Variants in NFILZ observed in about 807,000 individuals in gnomAD.
NFILZ encodes the protein NFIL3 like protein.
chr19:8,672,201 AT>A (rs1234278598), intron 3 of NFILZ, among the ~76,000 whole-genome samples: 5 of 152,168 alleles, frequency 3.3e-5, no homozygotes, highest in Admixed American at 2.6e-4. Context: ...TCATGCATTT[AT>A]TAGTTCATTC....
At chr19:8,666,912 CTTT>C (rs35846585) in intron 3 of NFILZ, among the ~76,000 whole-genome samples, 9 of 128,182 alleles carry the variant, frequency 7.0e-5, no homozygotes, top group Admixed American at 8.0e-5. Context: ...TTTTTGAAAA[CTTT>C]TTTTTTTTTT....
intron 3 of NFILZ, among the ~76,000 whole-genome samples, chr19:8,657,655 A>G (rs1350266365): frequency 1.3e-5 from 2 of 151,882 alleles, no homozygotes; most frequent in East Asian, 3.9e-4. Flanking sequence ...CTCCGTCTCT[A>G]CCTCTTTCTC....
intron 3 of NFILZ, among the ~76,000 whole-genome samples, chr19:8,656,374 C>A (rs1600147490): frequency 7.5e-6 from 1 of 133,762 alleles, no homozygotes; most frequent in East Asian, 2.0e-4. Flanking sequence ...CACCTTCTCC[C>A]TGAAGCCCAC....
rs368677207 is a variant in NFILZ, at chr19:8,634,431, G to A, written c.-260-1219G>A. Among the ~76,000 whole-genome samples, 43 of 152,262 alleles carry A rather than the reference G, an allele frequency of 2.8e-4. No homozygotes were observed. The South Asian group carries it at 7.7e-3, about 27-fold the overall frequency. ...CTCCTGAGTAGCTGGAACTATCGGC[G>A]CATGCCGTGACACCCAGCTAATTTT... On this transcript the variant is annotated intron_variant, in intron 2 of 5. Coordinates refer to ENST00000691075, the MANE Select transcript of NFILZ (RefSeq NM_001378600.1).
chr19:8,656,231 AAACCCTCCTGCCTTCTCCACGC>A (rs2042992440), intron 3 of NFILZ, among the ~76,000 whole-genome samples: 1 of 53,816 alleles, frequency 1.9e-5, no homozygotes, highest in African/African-American at 6.4e-5. Flanking sequence ...CTTCTCCCAG[AAACCCTCCTGCCTTCTCCACGC>A]AGCCCATCTT....
At chr19:8,663,986 G>T (rs1242347802) in intron 3 of NFILZ, among the ~76,000 whole-genome samples, 2 of 152,084 alleles carry the variant, frequency 1.3e-5, no homozygotes, top group African/African-American at 4.8e-5. Flanking sequence ...CTGCAGAGAG[G>T]GAAAGGCAGA....
intron 3 of NFILZ, among the ~76,000 whole-genome samples, chr19:8,663,754 G>GTGTATGTGTGTGTGTATGTGTGTGTA (rs1555674962): frequency 8.5e-6 from 1 of 117,542 alleles, no homozygotes; most frequent in East Asian, 2.2e-4. Flanking sequence ...GTGTGTGTGT[G>GTGTATGTGTGTGTGTATGTGTGTGTA]TGTGTGTGTG....
intron 3 of NFILZ, among the ~76,000 whole-genome samples, chr19:8,637,912 C>CAAAAA (rs35778716): frequency 0.017 from 343 of 20,238 alleles, 47 homozygotes; most frequent in African/African-American, 0.05. Context: ...AAGATGGTCT[C>CAAAAA]AAAAAAAAAA....
intron 3 of NFILZ, among the ~76,000 whole-genome samples, chr19:8,646,049 T>G (rs928205234): frequency 4.0e-5 from 6 of 151,650 alleles, no homozygotes; most frequent in Non-Finnish European, 7.4e-5. Context: ...TTCTTTTTTT[T>G]TGGGGGGGAT....
intron 2 of NFILZ, among the ~76,000 whole-genome samples, chr19:8,634,272 C>T (rs1434147866): frequency 6.6e-6 from 1 of 151,936 alleles, no homozygotes; most frequent in Non-Finnish European, 1.5e-5. Flanking sequence ...GTTGGGATTA[C>T]AGGCGTGAGC....
At chr19:8,635,177 G>A (rs2042889177) in intron 2 of NFILZ, among the ~76,000 whole-genome samples, 1 of 151,748 alleles carries the variant, frequency 6.6e-6, no homozygotes, top group Admixed American at 6.6e-5. Context: ...GGGCATGGTG[G>A]TGGGCACCTG....
rs142537111 is a variant in NFILZ at position 8,647,700 on chromosome 19, A to G, written c.-164+11954A>G. ...AACCAAACGCTGCATGTTCTCACTT[A>G]TAAGTGGGAACTGAACAATGAGAAC... On this transcript the variant is annotated intron_variant, in intron 3 of 5. Coordinates refer to ENST00000691075, the MANE Select transcript of NFILZ (RefSeq NM_001378600.1). Among the ~76,000 whole-genome samples, 1,029 of 151,740 alleles carry G rather than the reference A, an allele frequency of 6.8e-3. 9 individuals carry two copies. The highest frequency in any genetic ancestry group is 0.023 in the African/African-American group (942 of 41,402).
At chr19:8,648,118 G>C (rs1479008372) in intron 3 of NFILZ, among the ~76,000 whole-genome samples, 1 of 141,822 alleles carries the variant, frequency 7.1e-6, no homozygotes, top group Non-Finnish European at 1.5e-5. Context: ...AGCTTGCAGT[G>C]AGCCGAGATT....
At chr19:8,652,675 A>G (rs1600145191) in intron 3 of NFILZ, among the ~76,000 whole-genome samples, 1 of 152,214 alleles carries the variant, frequency 6.6e-6, no homozygotes, top group Non-Finnish European at 1.5e-5. Context: ...CGGTTTTATT[A>G]AAGTTCCCTT....
intron 3 of NFILZ, among the ~76,000 whole-genome samples, chr19:8,650,858 G>A (rs981539344): frequency 6.6e-6 from 1 of 151,870 alleles, no homozygotes; most frequent in African/African-American, 2.4e-5. Context: ...TCAACTTAGC[G>A]CATTTTCATC....
At chr19:8,638,932 C>A (rs2042907280) in intron 3 of NFILZ, among the ~76,000 whole-genome samples, 1 of 151,620 alleles carries the variant, frequency 6.6e-6, no homozygotes, top group Non-Finnish European at 1.5e-5. Context: ...CAACCTCTGC[C>A]TCCCGGGTTC....
At chr19:8,648,171 C>CAAAA (rs56776806) in intron 3 of NFILZ, among the ~76,000 whole-genome samples, 16 of 68,500 alleles carry the variant, frequency 2.3e-4, no homozygotes, top group East Asian at 1.3e-3. Flanking sequence ...GACTCCGTCT[C>CAAAA]AAAAAAAAAA....
chr19:8,636,427 A>G (rs62119448), intron 3 of NFILZ, among the ~76,000 whole-genome samples: 85,475 of 139,272 alleles, frequency 0.61, 27,283 homozygotes, highest in South Asian at 0.78. Context: ...CAGCCTGGGC[A>G]ACACAGCGAG....
intron 3 of NFILZ, among the ~76,000 whole-genome samples, chr19:8,648,011 A>G (rs561823112): frequency 1.3e-5 from 2 of 151,724 alleles, no homozygotes; most frequent in South Asian, 4.2e-4. Flanking sequence ...TCTCTACTAA[A>G]AATACAAAAA....
Sources: allele counts gnomAD v4.1 joint callset (sites outside exome capture counted in the v4.1 genomes callset), GRCh38; gene constraint gnomAD v4.1.1; transcripts MANE v1.5; gene names NCBI Gene and HGNC (gene_info 2026-07-23, HGNC 2026-07-21).